XPO5: variants seen among roughly 807,000 people sequenced by gnomAD.
XPO5 encodes exportin-5.
A neutral mutation model predicts 160.6 loss-of-function variants in XPO5; 46 were observed. The ratio of observed to expected loss-of-function variants is 0.29; its 90% CI spans 0.23 to 0.37. The LOEUF is 0.37. Among genes scored for constraint, XPO5 ranks in the 10% least tolerant of loss-of-function variants. The probability of loss-of-function intolerance (pLI) is 1.00; values close to 1 mark genes in which losing one functional copy is unlikely to be tolerated. For synonymous variants in XPO5, 537 were observed against 519.3 expected, an observed-to-expected ratio of 1.03 and a Z score of -0.46; for missense variants, 1,090 against 1,463.9, an observed-to-expected ratio of 0.74 and a Z score of 4.17.
In XPO5 at chr6:43,560,116, G is replaced by A. The variant is rs186431324; in HGVS notation, c.1221+62C>T. ...TTATAGGCGTGAGCCACCGCACCCA[G>A]CCTCAAAGTCTTATTATGTGTATTC... On this transcript the variant is annotated intron_variant, in intron 11 of 31. Transcript: ENST00000265351. 241 of 1,560,594 alleles carry A rather than the reference G, an allele frequency of 1.5e-4. 2 individuals are homozygous for A. In the East Asian group the frequency reaches 4.9e-3, roughly 32 times the overall value.
chr6:43,552,179 T>C (rs1415216882), intron 14 of XPO5, among the ~76,000 whole-genome samples: 1 of 152,156 alleles, frequency 6.6e-6, no homozygotes, highest in Admixed American at 6.5e-5. Context: ...TGCCTCAGCC[T>C]CCTGAGTAGC....
chr6:43,556,940 C>T (rs1244738058), intron 12 of XPO5, among the ~76,000 whole-genome samples: 1 of 151,562 alleles, frequency 6.6e-6, no homozygotes, highest in Non-Finnish European at 1.5e-5. Context: ...CCAGCCTGGC[C>T]AACATGATGA....
At chr6:43,574,110 G>C (rs910495372) in intron 1 of XPO5, among the ~76,000 whole-genome samples, 4 of 151,820 alleles carry the variant, frequency 2.6e-5, no homozygotes, top group Non-Finnish European at 5.9e-5. Context: ...GATTACAGGC[G>C]TGAGCCACTG....
chr6:43,523,671 C>G lies in XPO5; in HGVS notation c.*197G>C, dbSNP rs1793343789. ...CTAGACAGAATAGTTTAAGCCCTAA[C>G]TCCCTTTCTTGATACTTTAGTATAA... On this transcript the variant is annotated 3_prime_UTR_variant, in exon 32 of 32. Coordinates refer to ENST00000265351, the MANE Select transcript of XPO5 (RefSeq NM_020750.3). The G allele has an allele frequency of 1.1e-6, 1 of 883,056 alleles. No individual in the cohort carries two copies. Among genetic ancestry groups the G allele is most frequent in the East Asian group, 2.4e-5 (1 of 40,856 alleles). 54.7% of individuals were successfully genotyped at this position (883,056 alleles called of 1,614,324 possible).
intron 20 of XPO5, chr6:43,539,175 G>C: frequency 9.0e-7 from 1 of 1,113,672 alleles, no homozygotes; most frequent in Non-Finnish European, 1.3e-6. Context: ...ACGGTGTGGG[G>C]CTTGCCGATC....
intron 3 of XPO5, among the ~76,000 whole-genome samples, chr6:43,572,075 C>CTT (rs1323425798): frequency 6.6e-6 from 1 of 152,056 alleles, no homozygotes; most frequent in Non-Finnish European, 1.5e-5. Context: ...ATGCTTTCTG[C>CTT]TTTTGTTTTG....
rs1486300281 is a variant in XPO5 at position 43,548,905 on chromosome 6, GTAA to G, written c.1861-448_1861-446del. Among the ~76,000 whole-genome samples, 5 of 152,200 alleles carry G rather than the reference GTAA, an allele frequency of 3.3e-5. No individual in the cohort carries two copies. In the East Asian group the frequency reaches 7.7e-4, roughly 23 times the overall value. On this transcript the variant is annotated intron_variant, in intron 17 of 31. Transcript: ENST00000265351. ...AGATCAGGCACATCATTTGGCAGTA[GTAA>G]TTAAGATCATCACATAGTAAAGAGT...
intron 5 of XPO5, among the ~76,000 whole-genome samples, chr6:43,569,730 CTCCAAAAAAAAAAAAAAAATTA>C (rs1762895732): frequency 6.8e-6 from 1 of 146,384 alleles, no homozygotes. Flanking sequence ...GAGACTCCCT[CTCCAAAAAAAAAAAAAAAATTA>C]GTATTTTCCT....
At position 43,565,685 on chromosome 6, in the gene XPO5, T is replaced by C; in HGVS notation, c.886A>G (p.Met296Val). Reference protein sequence around the residue: ...PLMVLFGDVAMHYILSAAQTA... With the variant: ...PLMVLFGDVAVHYILSAAQTA... Reference sequence around the variant, plus strand: ...TGTGCGGCGGAGAGTATATAATGCATGGCAACATCTCCAAATAAGACCATC... The same window carrying C: ...TGTGCGGCGGAGAGTATATAATGCACGGCAACATCTCCAAATAAGACCATC... Residue 296 changes from methionine to valine, a missense_variant, in exon 8 of 32, where the codon ATG (methionine) becomes GTG (valine). Met to Val is a conservative substitution (Grantham distance 21). This residue lies in a region of XPO5 where 810 missense variants were observed against 1,139.0 expected (regional missense o/e 0.71). Coordinates refer to ENST00000265351, the MANE Select transcript of XPO5 (RefSeq NM_020750.3). The C allele has an allele frequency of 1.9e-6, 3 of 1,609,822 alleles. No individual in the cohort carries two copies. Among genetic ancestry groups the C allele is most frequent in the Non-Finnish European group, 2.5e-6 (3 of 1,178,170 alleles).
rs771399353 is a variant in XPO5 at position 43,570,842 on chromosome 6, AG to A, written c.438+14del. ...AAGGAAAAGTATACCAAACTGATAT[AG>A]CTGTGTTTCATACCCCTTGTTTGGA... On this transcript the variant is annotated intron_variant, in intron 4 of 31. Transcript: ENST00000265351. 12 of 1,600,312 alleles carry A rather than the reference AG, an allele frequency of 7.5e-6. No homozygotes were observed. In the South Asian group the frequency reaches 1.4e-4, roughly 18 times the overall value.
At chr6:43,555,736 T>C (rs529691256) in intron 13 of XPO5, 100 bp downstream of exon 13, 1 of 1,445,920 alleles carries the variant, frequency 6.9e-7, no homozygotes, top group South Asian at 1.4e-5. Context: ...ATAGTATAAG[T>C]ATATCGTTCT....
intron 7 of XPO5, among the ~76,000 whole-genome samples, chr6:43,566,034 A>G (rs1294597306): frequency 6.6e-6 from 1 of 152,200 alleles, no homozygotes; most frequent in Non-Finnish European, 1.5e-5. Flanking sequence ...AGGCAGGCGG[A>G]ACAACTGAGA....
At chr6:43,525,005 C>G in intron 29 of XPO5, 37 bp from the exon 30 acceptor site, 4 of 1,606,494 alleles carry the variant, frequency 2.5e-6, no homozygotes, top group Non-Finnish European at 2.5e-6. Flanking sequence ...CACAGGGGGC[C>G]TCTCTCAAGG....
chr6:43,561,337 C>G lies in XPO5; in HGVS notation c.1012-330G>C, dbSNP rs143925425. 5.8e-3 allele frequency: 1,409 copies of G among 241,914 alleles called. 17 individuals are homozygous for G. The highest frequency in any genetic ancestry group is 0.031 in the Middle Eastern group (20 of 648). The allele number at this position is 241,914 out of a possible 1,614,324, so 15.0% of individuals were successfully genotyped here. Reference sequence around the variant, plus strand: ...TTCCTCAGACCTTACCTATTCACATCTCTGTGTCCCAACCTATTACCTAAT... The same window carrying G: ...TTCCTCAGACCTTACCTATTCACATGTCTGTGTCCCAACCTATTACCTAAT... On this transcript the variant is annotated intron_variant, in intron 9 of 31. Coordinates refer to ENST00000265351, the MANE Select transcript of XPO5 (RefSeq NM_020750.3).
chr6:43,571,959 T>G (rs1214342154), intron 3 of XPO5, among the ~76,000 whole-genome samples: 4 of 152,244 alleles, frequency 2.6e-5, no homozygotes, highest in Admixed American at 6.5e-5. Flanking sequence ...TCTTATTGAT[T>G]TGTTGAAAAT....
At position 43,570,632 on chromosome 6, in the gene XPO5, A is replaced by G; in HGVS notation, c.491T>C (p.Val164Ala). 6.2e-7 allele frequency: 1 copy of G among 1,613,814 alleles called. No homozygotes were observed. Among genetic ancestry groups the G allele is most frequent in the Non-Finnish European group, 8.5e-7 (1 of 1,179,804 alleles). Residue 164 changes from valine to alanine, a missense_variant, in exon 5 of 32, where the codon GTA becomes GCA. This residue lies in a region of XPO5 where 170 missense variants were observed against 227.0 expected (regional missense o/e 0.75). Transcript: ENST00000265351. ...MFILLRLAED[V>A]VTFQTLPPQR... ...AGGGGGAAGTGTCTGAAAAGTCACT[A>G]CATCCTCTGCCAGTCGCAAAAGGAT...
chr6:43,571,065 G>C, intron 3 of XPO5, 71 bp from the exon 4 acceptor site: 1 of 1,498,726 alleles, frequency 6.7e-7, no homozygotes, highest in Non-Finnish European at 8.9e-7. Flanking sequence ...AAGCTGGGCT[G>C]TAGAGTTGTA....
At chr6:43,553,559 A>G (rs1286551329) in intron 13 of XPO5, 56 bp from the exon 14 acceptor site, 2 of 1,517,950 alleles carry the variant, frequency 1.3e-6, no homozygotes, top group Non-Finnish European at 1.8e-6. Flanking sequence ...AATTATCAGC[A>G]TTGAAAGATC....
In XPO5 at chr6:43,570,674, G is replaced by C; in HGVS notation, c.449C>G (p.Thr150Arg). ...CAAAAGGATAAACATCACCAATTCT[G>C]TCTGTGTTTCCTACACCAATAGAAA... Reference protein sequence around the residue: ...DTLSKQGETQTELVMFILLRL... With the variant: ...DTLSKQGETQRELVMFILLRL... The change falls in exon 5 of 32, where the codon ACA (threonine) becomes AGA (arginine). Residue 150 changes from threonine (T) to arginine (R), a missense_variant. This residue lies in a region of XPO5 where 170 missense variants were observed against 227.0 expected (regional missense o/e 0.75). Coordinates refer to ENST00000265351, the MANE Select transcript of XPO5 (RefSeq NM_020750.3). The C allele has an allele frequency of 6.2e-7, 1 of 1,609,222 alleles. No individual in the cohort carries two copies.
Sources: allele counts gnomAD v4.1 joint callset (sites outside exome capture counted in the v4.1 genomes callset), GRCh38; gene constraint gnomAD v4.1.1; regional missense constraint gnomAD v4.1.1; transcripts MANE v1.5; gene names NCBI Gene and HGNC (gene_info 2026-07-23, HGNC 2026-07-21).